Variants in RNF182 observed in about 807,000 individuals in gnomAD.
RNF182 encodes the protein E3 ubiquitin-protein ligase RNF182.
In RNF182, 15 loss-of-function variants were observed where a neutral mutation model predicts 14.4. The ratio of observed to expected loss-of-function variants is 1.04; its 90% confidence interval spans 0.70 to 1.60. The LOEUF is 1.60. Among genes scored for constraint, RNF182 ranks in the 40% most tolerant of loss-of-function variants. The pLI, the probability that RNF182 is intolerant of heterozygous loss-of-function variation, is 0.00. For synonymous variants in RNF182, 128 were observed against 122.9 expected (o/e 1.04, Z -0.27); for missense variants, 268 against 294.8 (o/e 0.91, Z 0.67).
chr6:13,956,226 C>A (rs577083632), intron 1 of RNF182, among the ~76,000 whole-genome samples: 12 of 151,800 alleles, frequency 7.9e-5, no homozygotes, highest in African/African-American at 2.9e-4. Context: ...TGGCTATTGG[C>A]TATTGTAATA....
At chr6:13,955,519 T>C (rs940501750) in intron 1 of RNF182, among the ~76,000 whole-genome samples, 2 of 152,198 alleles carry the variant, frequency 1.3e-5, no homozygotes, top group Non-Finnish European at 2.9e-5. Flanking sequence ...AGTATCACCA[T>C]GAAATAATGG....
At position 13,969,674 on chromosome 6, in the gene RNF182, A is replaced by G. The variant is rs966922963; in HGVS notation, c.-366-4536A>G. ...GAGTAAGATGGATTTGAGTCTAATAATAAGTGGTTTATTATTTAGGGCTGT... is the reference window on the plus strand; with the variant it reads ...GAGTAAGATGGATTTGAGTCTAATAGTAAGTGGTTTATTATTTAGGGCTGT... On this transcript the variant is annotated intron_variant, in intron 1 of 2. Coordinates refer to ENST00000488300, the MANE Select transcript of RNF182 (RefSeq NM_152737.4). Among the ~76,000 whole-genome samples the G allele has an allele frequency of 5.3e-5, 8 of 152,316 alleles. No individual in the cohort carries two copies. The East Asian group carries it at 1.5e-3, about 29-fold the overall frequency.
At chr6:13,954,114 G>T (rs188288407) in intron 1 of RNF182, among the ~76,000 whole-genome samples, 51 of 152,018 alleles carry the variant, frequency 3.4e-4, no homozygotes, top group Non-Finnish European at 6.5e-4. Context: ...TCAACATATG[G>T]CCAATCTTGC....
At chr6:13,929,994 C>T in intron 1 of RNF182, among the ~76,000 whole-genome samples, 1 of 152,054 alleles carries the variant, frequency 6.6e-6, no homozygotes, top group East Asian at 1.9e-4. Flanking sequence ...AGATGTTTTC[C>T]AAAGGTAGTT....
intron 1 of RNF182, among the ~76,000 whole-genome samples, chr6:13,959,567 T>C (rs1759814737): frequency 6.6e-6 from 1 of 152,190 alleles, no homozygotes; most frequent in Non-Finnish European, 1.5e-5. Context: ...AAACCTGGAT[T>C]AGGATGTTGA....
At chr6:13,928,120 T>A (rs1200692637) in intron 1 of RNF182, among the ~76,000 whole-genome samples, 2 of 152,242 alleles carry the variant, frequency 1.3e-5, no homozygotes, top group East Asian at 3.8e-4. Context: ...TCATTTTTCA[T>A]GTTTTCAATT....
At chr6:13,939,838 C>T (rs534620356) in intron 1 of RNF182, among the ~76,000 whole-genome samples, 22 of 152,316 alleles carry the variant, frequency 1.4e-4, no homozygotes, top group South Asian at 8.3e-4. Context: ...CCACTGTGCC[C>T]GGGCATAAAT....
chr6:13,936,495 A>G (rs1759113279), intron 1 of RNF182, among the ~76,000 whole-genome samples: 2 of 152,204 alleles, frequency 1.3e-5, no homozygotes. Context: ...TTTCTTTCAC[A>G]GGCAGTTTAA....
intron 1 of RNF182, among the ~76,000 whole-genome samples, chr6:13,937,251 G>A (rs1759135695): frequency 6.6e-6 from 1 of 152,286 alleles, no homozygotes; most frequent in Admixed American, 6.5e-5. Flanking sequence ...TGAGTCTCCT[G>A]TGTAACTACT....
chr6:13,950,886 T>G (rs1759573897), intron 1 of RNF182, among the ~76,000 whole-genome samples: 1 of 152,038 alleles, frequency 6.6e-6, no homozygotes, highest in Non-Finnish European at 1.5e-5. Context: ...AATCTCTGGC[T>G]CTTGGGTTCA....
In RNF182 at chr6:13,977,890, A is replaced by C. The variant is rs560366951; in HGVS notation, c.*27A>C. ...TGATATGCAAAATAAGAAATTGGACACACATTGCCCTGTTTGAGTGTGAAG... is the reference window on the plus strand; with the variant it reads ...TGATATGCAAAATAAGAAATTGGACCCACATTGCCCTGTTTGAGTGTGAAG... On this transcript the variant is annotated 3_prime_UTR_variant, in exon 3 of 3. Transcript: ENST00000488300. 2.5e-6 allele frequency: 4 copies of C among 1,588,068 alleles called. No homozygotes were observed. Among genetic ancestry groups the C allele is most frequent in the Non-Finnish European group, 3.4e-6 (4 of 1,166,224 alleles).
At chr6:13,934,945 A>T (rs969087591) in intron 1 of RNF182, among the ~76,000 whole-genome samples, 3 of 152,180 alleles carry the variant, frequency 2.0e-5, no homozygotes, top group African/African-American at 7.2e-5. Context: ...AGTCAGATGA[A>T]ATGCGGTTAG....
chr6:13,976,526 T>G (rs1481348937), intron 2 of RNF182, among the ~76,000 whole-genome samples: 2 of 152,212 alleles, frequency 1.3e-5, no homozygotes, highest in Non-Finnish European at 2.9e-5. Context: ...ACACCAACAA[T>G]ACTCTGAATT....
At chr6:13,968,057 A>C (rs1760079139) in intron 1 of RNF182, among the ~76,000 whole-genome samples, 1 of 143,638 alleles carries the variant, frequency 7.0e-6, no homozygotes, top group East Asian at 2.0e-4. Flanking sequence ...TTGGGAAAAA[A>C]ATCATAACAA....
chr6:13,944,363 G>A (rs1759382464), intron 1 of RNF182, among the ~76,000 whole-genome samples: 1 of 152,150 alleles, frequency 6.6e-6, no homozygotes, highest in Non-Finnish European at 1.5e-5. Context: ...TCATCCTAGG[G>A]ACATGGCCTT....
intron 1 of RNF182, among the ~76,000 whole-genome samples, chr6:13,954,292 A>G (rs1024145713): frequency 1.1e-4 from 17 of 152,356 alleles, no homozygotes; most frequent in African/African-American, 3.6e-4. Context: ...TTGCAGAGTA[A>G]TTCCTTACTG....
chr6:13,971,732 G>A (rs996411761), intron 1 of RNF182, among the ~76,000 whole-genome samples: 3 of 152,170 alleles, frequency 2.0e-5, no homozygotes, highest in Non-Finnish European at 4.4e-5. Context: ...TGGACAATAA[G>A]GTCCAGGTTG....
intron 1 of RNF182, among the ~76,000 whole-genome samples, chr6:13,941,470 C>T (rs932683040): frequency 6.6e-6 from 1 of 151,990 alleles, no homozygotes; most frequent in Non-Finnish European, 1.5e-5. Context: ...ATATAGCTGG[C>T]TTTTGTTTAC....
intron 1 of RNF182, among the ~76,000 whole-genome samples, chr6:13,959,963 A>G (rs1009013888): frequency 9.2e-5 from 14 of 151,466 alleles, no homozygotes; most frequent in African/African-American, 3.4e-4. Flanking sequence ...AAAGAGTGCA[A>G]GCAAGGGCTA....
Sources: gnomAD v4.1 joint callset for allele counts (sites outside exome capture counted in the v4.1 genomes callset) on GRCh38, gnomAD v4.1.1 for gene constraint, MANE v1.5 for transcripts, NCBI Gene and HGNC (gene_info 2026-07-23, HGNC 2026-07-21) for gene names.